ABHD2: variants seen among roughly 807,000 people sequenced by gnomAD.
ABHD2 encodes monoacylglycerol lipase ABHD2.
A neutral mutation model predicts 48.1 loss-of-function variants in ABHD2; 20 were observed. The ratio of observed to expected loss-of-function variants is 0.42; its 90% CI spans 0.29 to 0.60. The LOEUF is 0.60. Ranked by LOEUF, ABHD2 falls within the 20% of genes least tolerant of loss-of-function variation. ABHD2 has a pLI of 0.24. For missense variants in ABHD2, 405 were observed against 550.9 expected, an observed-to-expected ratio of 0.74 and a Z score of 2.65; for synonymous variants, 209 against 214.2, an observed-to-expected ratio of 0.98 and a Z score of 0.21.
At chr15:89,144,402 G>C (rs191928357) in intron 3 of ABHD2, among the ~76,000 whole-genome samples, 164 of 152,286 alleles carry the variant, frequency 1.1e-3, no homozygotes, top group Non-Finnish European at 2.9e-4. Context: ...CAAAGTGCTG[G>C]GGTTACAGGC....
the ABHD2 span, among the ~76,000 whole-genome samples, chr15:89,042,767 C>G: frequency 6.6e-6 from 1 of 152,022 alleles, no homozygotes; most frequent in Admixed American, 6.6e-5. Context: ...ATGCCTCAGC[C>G]TCCCAAGTAG....
chr15:89,057,791 A>G, the ABHD2 span, among the ~76,000 whole-genome samples: 1 of 152,078 alleles, frequency 6.6e-6, no homozygotes, highest in Admixed American at 6.5e-5. Flanking sequence ...AAAGAAAGAA[A>G]CAAACCTGCC....
At chr15:89,060,623 A>G in the ABHD2 span, among the ~76,000 whole-genome samples, 1 of 152,030 alleles carries the variant, frequency 6.6e-6, no homozygotes, top group African/African-American at 2.4e-5. Flanking sequence ...ACTTAAGACT[A>G]AAGCCCCAAG....
chr15:89,111,857 T>C (rs2049880286), intron 1 of ABHD2, among the ~76,000 whole-genome samples: 1 of 152,204 alleles, frequency 6.6e-6, no homozygotes, highest in Non-Finnish European at 1.5e-5. Context: ...AATGAAAATA[T>C]CAATAAATAA....
At chr15:89,049,477 C>A in the ABHD2 span, among the ~76,000 whole-genome samples, 1 of 152,216 alleles carries the variant, frequency 6.6e-6, no homozygotes, top group Admixed American at 6.5e-5. Flanking sequence ...GGCGGGCGCC[C>A]CTCCCCCAGC....
intron 6 of ABHD2, chr15:89,183,496 C>T (rs904385627): frequency 4.1e-5 from 6 of 147,144 alleles, no homozygotes; most frequent in Admixed American, 6.9e-5. Flanking sequence ...ATTCTACAGC[C>T]AAAGGTAAAA....
At chr15:89,121,205 C>T (rs2050045131) in intron 3 of ABHD2, among the ~76,000 whole-genome samples, 1 of 152,162 alleles carries the variant, frequency 6.6e-6, no homozygotes, top group Admixed American at 6.5e-5. Flanking sequence ...AAATGATAGC[C>T]CCTCTGGTCC....
Position 89,201,133 on chromosome 15 carries a change from TGAAG to T in ABHD2, c.*5715_*5718del. ...AAATGGCTGCAATTACAACAAGAAG[TGAAG>T]GAAGAAGACTGGTGACATCTCTGAA... On this transcript the variant is annotated 3_prime_UTR_variant, in exon 11 of 11. Coordinates refer to ENST00000352732, the MANE Select transcript of ABHD2 (RefSeq NM_152924.5). The T allele has an allele frequency of 1.7e-6, 2 of 1,204,050 alleles. No individual in the cohort carries two copies. The highest frequency in any genetic ancestry group is 3.0e-5 in the African/African-American group (2 of 66,372). 74.6% of individuals were successfully genotyped at this position (1,204,050 alleles called of 1,614,324 possible). A position where few individuals can be genotyped will look rare whatever the true frequency, so the allele number is the denominator to read the frequency against.
chr15:89,105,488 C>G (rs77294264), intron 1 of ABHD2, among the ~76,000 whole-genome samples: 1,796 of 152,326 alleles, frequency 0.012, 38 homozygotes, highest in African/African-American at 0.039. Context: ...AAACTGTTAT[C>G]ACATGAGTAG....
chr15:89,086,811 A>G (rs1901364758), upstream of ABHD2, among the ~76,000 whole-genome samples: 1 of 152,220 alleles, frequency 6.6e-6, no homozygotes, highest in Non-Finnish European at 1.5e-5. Flanking sequence ...TTGGAAGTCC[A>G]AACTGTTTTA....
the ABHD2 span, among the ~76,000 whole-genome samples, chr15:89,070,841 A>G: frequency 1.3e-5 from 2 of 152,066 alleles, no homozygotes; most frequent in South Asian, 4.1e-4. Context: ...GAATATTTCT[A>G]GATTAGGTCT....
At chr15:89,193,056 G>GT (rs1268995389) in intron 9 of ABHD2, among the ~76,000 whole-genome samples, 179 bp from the exon 10 acceptor site, 1 of 152,210 alleles carries the variant, frequency 6.6e-6, no homozygotes, top group African/African-American at 2.4e-5. Context: ...AATGGCAGAT[G>GT]TAACTCATCA....
intron 3 of ABHD2, among the ~76,000 whole-genome samples, chr15:89,145,682 A>T (rs2050479719): frequency 6.6e-6 from 1 of 152,220 alleles, no homozygotes; most frequent in South Asian, 2.1e-4. Context: ...CTCCCACTGC[A>T]TGCAGGTAAT....
chr15:89,110,479 C>T (rs1458868557), intron 1 of ABHD2, among the ~76,000 whole-genome samples: 1 of 152,014 alleles, frequency 6.6e-6, no homozygotes, highest in East Asian at 1.9e-4. Context: ...ATGAGGACTT[C>T]CTTGCTTAAT....
intron 3 of ABHD2, among the ~76,000 whole-genome samples, chr15:89,123,655 T>C (rs1357427100): frequency 2.1e-5 from 3 of 141,308 alleles, no homozygotes; most frequent in African/African-American, 8.0e-5. Context: ...TGGAGTACAA[T>C]GGCACAATCA....
intron 2 of ABHD2, among the ~76,000 whole-genome samples, chr15:89,115,148 T>C (rs1281673670): frequency 6.6e-6 from 1 of 152,194 alleles, no homozygotes; most frequent in Admixed American, 6.5e-5. Flanking sequence ...TGATGACTGT[T>C]GTTAGCAGAG....
At chr15:89,050,582 C>T in the ABHD2 span, among the ~76,000 whole-genome samples, 1 of 152,190 alleles carries the variant, frequency 6.6e-6, no homozygotes, top group East Asian at 1.9e-4. Flanking sequence ...CATTGTGAGT[C>T]CTGGGGATCC....
At chr15:89,143,663 A>G (rs1202672242) in intron 3 of ABHD2, among the ~76,000 whole-genome samples, 2 of 150,148 alleles carry the variant, frequency 1.3e-5, no homozygotes, top group Non-Finnish European at 2.9e-5. Context: ...AGCCTGGGCA[A>G]TAAGAGCAAA....
chr15:89,149,096 A>C (rs917403305), intron 3 of ABHD2, among the ~76,000 whole-genome samples: 2 of 152,182 alleles, frequency 1.3e-5, no homozygotes, highest in Non-Finnish European at 2.9e-5. Flanking sequence ...TTAATTAAAA[A>C]CAGTGTTTTA....
Sources: gnomAD v4.1 joint callset for allele counts (sites outside exome capture counted in the v4.1 genomes callset) on GRCh38, gnomAD v4.1.1 for gene constraint, MANE v1.5 for transcripts, NCBI Gene and HGNC (gene_info 2026-07-23, HGNC 2026-07-21) for gene names.